Variants in CHODL observed in about 807,000 individuals in gnomAD.
CHODL encodes chondrolectin, also known as transmembrane protein MT75.
Under a neutral mutation model 34.5 loss-of-function variants are expected in CHODL, and 29 were observed. The observed-to-expected ratio is 0.84, with a 90% CI of 0.63 to 1.15. The LOEUF is 1.15. Ranked by LOEUF, CHODL falls within the 50% of genes most tolerant of loss-of-function variation. The pLI, the probability that CHODL is intolerant of heterozygous loss-of-function variation, is 0.00. For synonymous variants in CHODL, 125 were observed against 116.1 expected, an observed-to-expected ratio of 1.08 and a Z score of -0.49; for missense variants, 332 against 332.5, an observed-to-expected ratio of 1.00 and a Z score of 0.01.
intron 1 of CHODL, among the ~76,000 whole-genome samples, chr21:18,020,719 A>G (rs1338387924): frequency 6.6e-6 from 1 of 152,158 alleles, no homozygotes; most frequent in Non-Finnish European, 1.5e-5. Flanking sequence ...CCTAACCCCT[A>G]GCTATATTTG....
chr21:18,206,885 A>G (rs1282221677), intron 2 of CHODL, among the ~76,000 whole-genome samples: 2 of 145,894 alleles, frequency 1.4e-5, no homozygotes, highest in Admixed American at 1.4e-4. Flanking sequence ...TATTATTATT[A>G]TTATTATTAT....
intron 1 of CHODL, among the ~76,000 whole-genome samples, chr21:17,973,048 T>G (rs947021345): frequency 4.6e-5 from 7 of 152,176 alleles, no homozygotes; most frequent in African/African-American, 1.7e-4. Context: ...GGGAAAGAAT[T>G]CCTTATTTAA....
In CHODL at chr21:18,260,201, G is replaced by A. The variant is rs2146820465; in HGVS notation, c.549G>A (p.Glu183=). The change falls in exon 4 of 6, where the codon GAG becomes GAA. Residue 183 remains glutamate (E), a splice_region_variant and synonymous_variant. Transcript: ENST00000299295. ...GATGGTGGTTCTTATTATTTACAGA[G>A]ATTAATCCAACAGCCCCTGTAGAAA... ...KHNYICKYEP[E]INPTAPVEKP... is the part of the protein sequence containing the mutation. 2 of 1,532,754 alleles carry A rather than the reference G, an allele frequency of 1.3e-6. No individual in the cohort carries two copies. Among genetic ancestry groups the A allele is most frequent in the Non-Finnish European group, 1.8e-6 (2 of 1,134,080 alleles). 94.9% of individuals were successfully genotyped at this position (1,532,754 alleles called of 1,614,324 possible). A position where few individuals can be genotyped will look rare whatever the true frequency, so the allele number is the denominator to read the frequency against.
At chr21:18,202,309 G>A (rs558888090) in intron 2 of CHODL, among the ~76,000 whole-genome samples, 1 of 152,300 alleles carries the variant, frequency 6.6e-6, no homozygotes, top group South Asian at 2.1e-4. Flanking sequence ...GAATGCATGT[G>A]TTCCCCAAAA....
At chr21:18,019,984 G>T (rs73892829) in intron 1 of CHODL, among the ~76,000 whole-genome samples, 1 of 152,012 alleles carries the variant, frequency 6.6e-6, no homozygotes. Flanking sequence ...CCCAAACTCC[G>T]TGAGTCCAGG....
intron 1 of CHODL, among the ~76,000 whole-genome samples, chr21:18,021,706 A>G (rs957600943): frequency 6.6e-6 from 1 of 152,174 alleles, no homozygotes; most frequent in African/African-American, 2.4e-5. Context: ...AAATGTTTAG[A>G]TGTTGTATAG....
intron 1 of CHODL, among the ~76,000 whole-genome samples, chr21:17,984,887 T>C (rs1031491880): frequency 6.6e-6 from 1 of 152,154 alleles, no homozygotes; most frequent in African/African-American, 2.4e-5. Flanking sequence ...TATTGTCACT[T>C]ATTGGATTTT....
intron 2 of CHODL, among the ~76,000 whole-genome samples, chr21:18,077,694 G>A (rs984584156): frequency 2.0e-5 from 3 of 152,074 alleles, no homozygotes; most frequent in Non-Finnish European, 2.9e-5. Flanking sequence ...GAGTGTGAAA[G>A]AGTGCTGTTT....
intron 1 of CHODL, among the ~76,000 whole-genome samples, chr21:18,010,147 A>T (rs2064001705): frequency 1.0e-5 from 1 of 97,660 alleles, no homozygotes; most frequent in Non-Finnish European, 2.1e-5. Context: ...AAAAAAAAAA[A>T]ATTAGCCGGG....
intron 2 of CHODL, among the ~76,000 whole-genome samples, chr21:18,164,846 CT>C (rs772397883): frequency 5.9e-5 from 9 of 152,210 alleles, no homozygotes; most frequent in Non-Finnish European, 8.8e-5. Flanking sequence ...ACTTGGAATG[CT>C]TCCGCTATCC....
chr21:18,264,402 T>C (rs750107694), intron 5 of CHODL, among the ~76,000 whole-genome samples: 28 of 151,800 alleles, frequency 1.8e-4, no homozygotes, highest in Non-Finnish European at 1.9e-4. Flanking sequence ...GGGAGTTTGA[T>C]ACCACCCTGA....
chr21:18,198,759 T>A (rs958121258), intron 2 of CHODL, among the ~76,000 whole-genome samples: 7 of 152,110 alleles, frequency 4.6e-5, no homozygotes, highest in African/African-American at 1.7e-4. Flanking sequence ...AAACTTCGAA[T>A]AAAGGAAGTA....
chr21:18,265,911 T>TAAG (rs777213424), intron 5 of CHODL, 43 bp from the exon 6 acceptor site: 4 of 1,535,934 alleles, frequency 2.6e-6, no homozygotes, highest in Non-Finnish European at 3.6e-6. Context: ...CTTAGTTTAA[T>TAAG]AAGAAATTTT....
intron 2 of CHODL, among the ~76,000 whole-genome samples, chr21:18,116,057 ATCT>A (rs1259867193): frequency 6.6e-6 from 1 of 151,322 alleles, no homozygotes; most frequent in East Asian, 1.9e-4. Flanking sequence ...TTGTTTTTTC[ATCT>A]TCTTCAATTT....
intron 1 of CHODL, chr21:18,245,855 C>T: frequency 6.8e-7 from 1 of 1,469,776 alleles, no homozygotes; most frequent in Non-Finnish European, 9.2e-7. Context: ...GTGGTCATTG[C>T]GTGTAGATGC....
intron 2 of CHODL, among the ~76,000 whole-genome samples, chr21:18,138,105 T>A (rs890960292): frequency 2.0e-5 from 3 of 151,952 alleles, no homozygotes; most frequent in Admixed American, 2.0e-4. Flanking sequence ...ACAACTTCAT[T>A]ATTAAAACAT....
intron 2 of CHODL, among the ~76,000 whole-genome samples, chr21:18,106,651 C>T (rs779126116): frequency 6.6e-6 from 1 of 152,020 alleles, no homozygotes; most frequent in Non-Finnish European, 1.5e-5. Context: ...CCCACCACCA[C>T]ACCTGGCCAA....
chr21:18,124,097 T>G (rs2065513459), intron 2 of CHODL, among the ~76,000 whole-genome samples: 1 of 152,142 alleles, frequency 6.6e-6, no homozygotes. Context: ...AAAAAAATAC[T>G]ACAAAGTCTG....
chr21:18,246,687 C>G (rs1466763488), intron 1 of CHODL, among the ~76,000 whole-genome samples: 1 of 152,134 alleles, frequency 6.6e-6, no homozygotes, highest in African/African-American at 2.4e-5. Context: ...AGAGACCATG[C>G]TTTGAACATA....
Sources: allele counts gnomAD v4.1 joint callset (sites outside exome capture counted in the v4.1 genomes callset), GRCh38; gene constraint gnomAD v4.1.1; transcripts MANE v1.5; gene names NCBI Gene and HGNC (gene_info 2026-07-23, HGNC 2026-07-21).